The following SEC22A variants were observed in gnomAD, a reference collection of about 807,000 sequenced individuals.
SEC22A encodes the protein vesicle-trafficking protein SEC22a.
In SEC22A, 22 loss-of-function variants were observed where a neutral mutation model predicts 35.3. The observed-to-expected ratio is 0.62, with a 90% CI of 0.45 to 0.89. The LOEUF (loss-of-function observed/expected upper bound fraction) is 0.89. SEC22A is among the 40% of genes least tolerant of loss of function. The probability of loss-of-function intolerance (pLI) is 0.00; values close to 1 mark genes in which losing one functional copy is unlikely to be tolerated. For missense variants in SEC22A, 354 were observed against 362.5 expected (o/e 0.98, Z 0.19); for synonymous variants, 119 against 129.5 (o/e 0.92, Z 0.55).
chr3:123,268,097 T>C (rs767437325), intron 6 of SEC22A, among the ~76,000 whole-genome samples: 4 of 152,222 alleles, frequency 2.6e-5, no homozygotes, highest in African/African-American at 9.6e-5. Flanking sequence ...TCTGAAGCCA[T>C]GCTGAAGGGT....
intron 5 of SEC22A, among the ~76,000 whole-genome samples, chr3:123,256,448 T>G (rs1041031114): frequency 3.0e-5 from 3 of 99,880 alleles, no homozygotes; most frequent in Non-Finnish European, 7.1e-5. Flanking sequence ...AGCCTCTGAG[T>G]CAATCTTAAT....
chr3:123,232,683 C>T (rs908684053), intron 4 of SEC22A, among the ~76,000 whole-genome samples: 1 of 152,062 alleles, frequency 6.6e-6, no homozygotes, highest in Admixed American at 6.5e-5. Flanking sequence ...ACTGTCTCTA[C>T]AAAAAATACT....
intron 5 of SEC22A, 125 bp downstream of exon 5, chr3:123,246,139 A>G (rs1576497845): frequency 1.7e-6 from 1 of 587,766 alleles, no homozygotes; most frequent in African/African-American, 1.9e-5. Flanking sequence ...ATGTTTTTTT[A>G]TATCTGCTTT....
intron 4 of SEC22A, among the ~76,000 whole-genome samples, chr3:123,241,481 C>T (rs9860534): frequency 0.2 from 29,917 of 152,062 alleles, 3,047 homozygotes; most frequent in Middle Eastern, 0.28. Context: ...CTCTTTGAAT[C>T]GTCATAAGGA....
At chr3:123,267,998 G>A (rs765932933) in intron 6 of SEC22A, among the ~76,000 whole-genome samples, 3 of 152,134 alleles carry the variant, frequency 2.0e-5, no homozygotes, top group Non-Finnish European at 4.4e-5. Flanking sequence ...AGAGTCCCAC[G>A]TGTTCTCCAC....
Position 123,235,916 on chromosome 3 carries a change from A to G in SEC22A, c.542-9983A>G, listed in dbSNP as rs528845549. 1.4e-3 allele frequency among the ~76,000 whole-genome samples: 210 copies of G among 152,320 alleles called. 1 individual carries two copies. The highest frequency in any genetic ancestry group is 4.9e-3 in the African/African-American group (204 of 41,584). On this transcript the variant is annotated intron_variant, in intron 4 of 6. Transcript: ENST00000492595. Reference sequence around the variant, plus strand: ...ATAACAACATCTGTGAACCTTAAAAACATTATGCTAAATAAAAGAAGTCAA... The same window carrying G: ...ATAACAACATCTGTGAACCTTAAAAGCATTATGCTAAATAAAAGAAGTCAA...
At chr3:123,225,500 C>T (rs1276319081) in intron 4 of SEC22A, among the ~76,000 whole-genome samples, 2 of 152,094 alleles carry the variant, frequency 1.3e-5, no homozygotes, top group Middle Eastern at 3.2e-3. Flanking sequence ...ATAGCAACCT[C>T]AGAGGATCTC....
chr3:123,241,187 C>T (rs1408890893), intron 4 of SEC22A, among the ~76,000 whole-genome samples: 1 of 152,058 alleles, frequency 6.6e-6, no homozygotes, highest in Non-Finnish European at 1.5e-5. Flanking sequence ...ATAAGTAAAA[C>T]ACAAAGTAGA....
rs75459590 is a variant in SEC22A at position 123,219,344 on chromosome 3, G to A, written c.183-4215G>A. Among the ~76,000 whole-genome samples the A allele has an allele frequency of 3.9e-5, 6 of 152,046 alleles. No individual in the cohort carries two copies. In the South Asian group the frequency reaches 8.3e-4, roughly 21 times the overall value. ...CAGAAGTTTCATTACTCTTAATTTC[G>A]GGAATAAAATAGAGATTGATTTGTG... On this transcript the variant is annotated intron_variant, in intron 2 of 6. Coordinates refer to ENST00000492595, the MANE Select transcript of SEC22A (RefSeq NM_012430.5).
chr3:123,231,779 A>G (rs1937331255), intron 4 of SEC22A, among the ~76,000 whole-genome samples: 2 of 152,182 alleles, frequency 1.3e-5, no homozygotes, highest in Non-Finnish European at 2.9e-5. Context: ...AAGAAAAGCA[A>G]ATTAAACCTA....
intron 2 of SEC22A, among the ~76,000 whole-genome samples, chr3:123,216,228 A>G (rs1418839051): frequency 1.3e-5 from 2 of 152,198 alleles, no homozygotes; most frequent in Non-Finnish European, 2.9e-5. Context: ...AATATACCCA[A>G]TATGTAAGTT....
chr3:123,205,296 A>G (rs1231297950), intron 1 of SEC22A, among the ~76,000 whole-genome samples: 1 of 152,192 alleles, frequency 6.6e-6, no homozygotes, highest in Non-Finnish European at 1.5e-5. Flanking sequence ...AATCTTATCT[A>G]TGGATAAGTA....
rs115248028 is a variant in SEC22A, at chr3:123,271,043, T to C, written c.724-479T>C. Reference sequence around the variant, plus strand: ...GTTCAGTCAGATGCTGTACCTAGCATAGTTCCTTGTACTCAGTGGGCGACT... The same window carrying C: ...GTTCAGTCAGATGCTGTACCTAGCACAGTTCCTTGTACTCAGTGGGCGACT... On this transcript the variant is annotated intron_variant, in intron 6 of 6. Transcript: ENST00000492595. Among the ~76,000 whole-genome samples, 426 of 152,384 alleles carry C rather than the reference T, an allele frequency of 2.8e-3. 1 individual carries two copies. Among genetic ancestry groups the C allele is most frequent in the African/African-American group, 0.01 (416 of 41,594 alleles).
chr3:123,271,183 G>A (rs1225725558), intron 6 of SEC22A, among the ~76,000 whole-genome samples: 6 of 152,150 alleles, frequency 3.9e-5, no homozygotes, highest in Non-Finnish European at 7.3e-5. Context: ...TGGAACACCC[G>A]CAGACCCTGG....
At chr3:123,223,808 C>G in intron 3 of SEC22A, 86 bp downstream of exon 3, 2 of 879,016 alleles carry the variant, frequency 2.3e-6, no homozygotes, top group Non-Finnish European at 3.4e-6. Flanking sequence ...GGAGGGGGGA[C>G]TTCTGCTATC....
chr3:123,206,233 A>G (rs369114788), intron 1 of SEC22A, among the ~76,000 whole-genome samples: 13 of 152,226 alleles, frequency 8.5e-5, no homozygotes, highest in East Asian at 3.9e-4. Flanking sequence ...AGCAAGTACT[A>G]TAGGCGTGTG....
intron 5 of SEC22A, among the ~76,000 whole-genome samples, chr3:123,256,447 G>A (rs1937734436): frequency 1.0e-5 from 1 of 100,048 alleles, no homozygotes; most frequent in African/African-American, 3.6e-5. Context: ...AAGCCTCTGA[G>A]TCAATCTTAA....
chr3:123,255,119 C>G (rs538907097), intron 5 of SEC22A, among the ~76,000 whole-genome samples: 3 of 152,290 alleles, frequency 2.0e-5, no homozygotes, highest in African/African-American at 7.2e-5. Flanking sequence ...TCATTATGTT[C>G]TTCCTTTTAA....
intron 6 of SEC22A, among the ~76,000 whole-genome samples, chr3:123,265,080 CAT>C (rs1341153149): frequency 2.0e-5 from 3 of 152,150 alleles, no homozygotes; most frequent in South Asian, 2.1e-4. Flanking sequence ...TATTTGGAAA[CAT>C]ATTGCATCCA....
Sources: gnomAD v4.1 joint callset for allele counts (sites outside exome capture counted in the v4.1 genomes callset) on GRCh38, gnomAD v4.1.1 for gene constraint, MANE v1.5 for transcripts, NCBI Gene and HGNC (gene_info 2026-07-23, HGNC 2026-07-21) for gene names.